The following SAMD5 variants were observed in gnomAD, a reference collection of about 807,000 sequenced individuals.
The protein encoded by SAMD5 is sterile alpha motif domain containing 5, also known as sterile alpha motif domain-containing protein 5.
Under a neutral mutation model 11.3 loss-of-function variants are expected in SAMD5, and 13 were observed. The ratio of observed to expected loss-of-function variants is 1.15; its 90% confidence interval spans 0.75 to 1.83. The LOEUF is 1.83. SAMD5 is among the 40% of genes most tolerant of loss of function. SAMD5 has a pLI of 0.00. For missense variants in SAMD5, 255 were observed against 239.1 expected, an observed-to-expected ratio of 1.07 and a Z score of -0.44; for synonymous variants, 129 against 111.3, an observed-to-expected ratio of 1.16 and a Z score of -1.00.
the SAMD5 span, among the ~76,000 whole-genome samples, chr6:147,811,850 G>C: frequency 6.6e-6 from 1 of 152,192 alleles, no homozygotes. Context: ...TCTTAAGTTA[G>C]AGATGCCATC....
the SAMD5 span, among the ~76,000 whole-genome samples, chr6:147,951,892 GT>G: frequency 8.5e-5 from 13 of 152,264 alleles, no homozygotes; most frequent in African/African-American, 3.1e-4. Flanking sequence ...GCATAGTAAT[GT>G]TTCAGATAAT....
chr6:147,776,800 G>T, the SAMD5 span, among the ~76,000 whole-genome samples: 11 of 152,210 alleles, frequency 7.2e-5, no homozygotes, highest in Admixed American at 1.3e-4. Flanking sequence ...GAAAAGCTGT[G>T]AACTGACTGG....
intron 1 of SAMD5, among the ~76,000 whole-genome samples, chr6:147,666,793 C>A (rs1314270634): frequency 1.3e-5 from 2 of 152,168 alleles, no homozygotes; most frequent in African/African-American, 2.4e-5. Context: ...TCCATAGCAT[C>A]CTCAAATAAG....
the SAMD5 span, among the ~76,000 whole-genome samples, chr6:147,887,063 G>A: frequency 6.6e-6 from 1 of 152,160 alleles, no homozygotes; most frequent in South Asian, 2.1e-4. Context: ...GAAAATAAAT[G>A]TATGCTGTTT....
the SAMD5 span, among the ~76,000 whole-genome samples, chr6:147,752,351 A>C: frequency 6.6e-6 from 1 of 152,282 alleles, no homozygotes; most frequent in South Asian, 2.1e-4. Flanking sequence ...GTATTTTTCT[A>C]ACTCTTGAAG....
chr6:147,602,192 T>C (rs1789627372), intron 1 of SAMD5, among the ~76,000 whole-genome samples: 1 of 152,202 alleles, frequency 6.6e-6, no homozygotes, highest in Non-Finnish European at 1.5e-5. Context: ...ATATCTTTCA[T>C]TCCCATTTGG....
At chr6:147,750,010 C>G in the SAMD5 span, among the ~76,000 whole-genome samples, 2 of 152,084 alleles carry the variant, frequency 1.3e-5, no homozygotes, top group African/African-American at 4.8e-5. Context: ...GAATGCATAT[C>G]ACACCCCTCA....
intron 1 of SAMD5, among the ~76,000 whole-genome samples, chr6:147,689,575 C>CT (rs1791070448): frequency 6.6e-6 from 1 of 152,160 alleles, no homozygotes. Flanking sequence ...AAGGAAGTGA[C>CT]TAAAGGGGCA....
Position 147,604,209 on chromosome 6 carries a change from CT to C in SAMD5, c.162+94835del, listed in dbSNP as rs5880717. Among the ~76,000 whole-genome samples, 154 of 148,398 alleles carry C rather than the reference CT, an allele frequency of 1.0e-3. 1 individual carries two copies. The highest frequency in any genetic ancestry group is 1.5e-3 in the Non-Finnish European group (100 of 66,984). On this transcript the variant is annotated intron_variant, in intron 1 of 1. Coordinates refer to the SAMD5 transcript ENST00000566741. ...ATTACTTTTTACATCAATGTACTAA[CT>C]TTTTTTTTTTTTACTAAATGATGCT...
At chr6:147,546,530 C>CAAAA (rs752623961) in intron 1 of SAMD5, among the ~76,000 whole-genome samples, 3 of 112,184 alleles carry the variant, frequency 2.7e-5, no homozygotes, top group Non-Finnish European at 5.2e-5. Context: ...AACTCTGTCT[C>CAAAA]AAAAAAAAAA....
chr6:147,610,797 G>A (rs969979297), intron 1 of SAMD5, among the ~76,000 whole-genome samples: 2 of 152,038 alleles, frequency 1.3e-5, no homozygotes, highest in Non-Finnish European at 2.9e-5. Flanking sequence ...GAGCCCAGGA[G>A]GATGTCCTGG....
chr6:147,551,832 A>ATATATATG (rs1788780100), intron 1 of SAMD5, among the ~76,000 whole-genome samples: 2 of 145,594 alleles, frequency 1.4e-5, no homozygotes, highest in South Asian at 4.2e-4. Context: ...ATATATATAT[A>ATATATATG]TATATGTATA....
chr6:147,576,882 C>G (rs1789225096), intron 1 of SAMD5, among the ~76,000 whole-genome samples: 2 of 152,208 alleles, frequency 1.3e-5, no homozygotes, highest in Non-Finnish European at 2.9e-5. Flanking sequence ...CTTTTATCCT[C>G]CATTCCCCAA....
chr6:147,751,184 T>C, the SAMD5 span, among the ~76,000 whole-genome samples: 3 of 152,138 alleles, frequency 2.0e-5, no homozygotes, highest in African/African-American at 7.2e-5. Context: ...TCAGGTTTTT[T>C]CTTAAATGTT....
the SAMD5 span, among the ~76,000 whole-genome samples, chr6:147,776,371 C>A: frequency 6.6e-6 from 1 of 152,158 alleles, no homozygotes; most frequent in Non-Finnish European, 1.5e-5. Context: ...TTCTTGTTAA[C>A]AACTTCTATA....
chr6:147,643,324 C>T (rs918181062), intron 1 of SAMD5, among the ~76,000 whole-genome samples: 1 of 152,086 alleles, frequency 6.6e-6, no homozygotes, highest in Admixed American at 6.5e-5. Context: ...GTGCCTTCCA[C>T]AGTTCTTTCA....
At chr6:147,872,866 G>A in the SAMD5 span, among the ~76,000 whole-genome samples, 2 of 152,146 alleles carry the variant, frequency 1.3e-5, no homozygotes, top group Admixed American at 1.3e-4. Context: ...TGGAAATTCT[G>A]CTCCCCAACA....
chr6:147,656,875 A>T (rs1356894085), intron 1 of SAMD5, among the ~76,000 whole-genome samples: 2 of 149,376 alleles, frequency 1.3e-5, no homozygotes, highest in East Asian at 4.0e-4. Context: ...TACTCTAAAG[A>T]TAAACCTCCA....
the SAMD5 span, among the ~76,000 whole-genome samples, chr6:147,797,213 A>C: frequency 3.6e-3 from 509 of 139,460 alleles, 4 homozygotes; most frequent in African/African-American, 0.014. Context: ...TTTGTCATAG[A>C]TAGCTCTTAT....
Sources: gnomAD v4.1 joint callset for allele counts (sites outside exome capture counted in the v4.1 genomes callset) on GRCh38, gnomAD v4.1.1 for gene constraint, MANE v1.5 for transcripts, NCBI Gene and HGNC (gene_info 2026-07-23, HGNC 2026-07-21) for gene names.